TGM6: variants seen among roughly 807,000 people sequenced by gnomAD.
TGM6 encodes the protein transglutaminase 6.
In TGM6, 74 loss-of-function variants were observed where a neutral mutation model predicts 77.5. That is an observed-to-expected ratio of 0.96 (90% CI 0.79 to 1.16). The LOEUF is 1.16. Ranked by LOEUF, TGM6 falls within the 50% of genes most tolerant of loss-of-function variation. TGM6 has a pLI of 0.00. For missense variants in TGM6, 968 were observed against 940.2 expected, an observed-to-expected ratio of 1.03 and a Z score of -0.39; for synonymous variants, 383 against 378.9, an observed-to-expected ratio of 1.01 and a Z score of -0.12.
chr20:2,381,801 C>T (rs2084556642), intron 1 of TGM6, among the ~76,000 whole-genome samples: 1 of 152,236 alleles, frequency 6.6e-6, no homozygotes, highest in African/African-American at 2.4e-5. Context: ...ACCCAAAGTC[C>T]CAGCTACTTG....
At chr20:2,397,067 A>G (rs1226334049) in intron 4 of TGM6, among the ~76,000 whole-genome samples, 1 of 152,170 alleles carries the variant, frequency 6.6e-6, no homozygotes, top group Non-Finnish European at 1.5e-5. Context: ...TGGCTTAGAT[A>G]AGTAGTTCCA....
intron 7 of TGM6, among the ~76,000 whole-genome samples, chr20:2,401,390 G>C (rs555760243): frequency 6.6e-6 from 1 of 152,286 alleles, no homozygotes; most frequent in African/African-American, 2.4e-5. Flanking sequence ...TCCTGTCAGA[G>C]AGATGCTCTG....
In TGM6 at chr20:2,399,725, A is replaced by G; in HGVS notation, c.837A>G (p.Gly279=). 6.2e-7 allele frequency: 1 copy of G among 1,613,650 alleles called. No individual in the cohort carries two copies. The highest frequency in any genetic ancestry group is 8.5e-7 in the Non-Finnish European group (1 of 1,179,804). ...VKYGQCWVFA[G]VLCTVLRCLG... ...ACGGCCAGTGCTGGGTCTTCGCCGG[A>G]GTCCTGTGCACAGGTACCCTGGGAG... The change falls in exon 6 of 13, where the codon GGA becomes GGG. Residue 279 remains glycine, a synonymous_variant. Coordinates refer to ENST00000202625, the MANE Select transcript of TGM6 (RefSeq NM_198994.3).
chr20:2,421,831 T>C (rs2084858207), intron 10 of TGM6, among the ~76,000 whole-genome samples: 5 of 152,124 alleles, frequency 3.3e-5, no homozygotes, highest in Admixed American at 2.6e-4. Context: ...CCTTTGGTAT[T>C]GTATCAAAAA....
chr20:2,414,437 A>G (rs1293112502), intron 9 of TGM6, among the ~76,000 whole-genome samples: 1 of 152,242 alleles, frequency 6.6e-6, no homozygotes, highest in Admixed American at 6.5e-5. Context: ...ATGTGGAGAA[A>G]TTGAAACACT....
chr20:2,421,041 C>A (rs532389423), intron 10 of TGM6, among the ~76,000 whole-genome samples: 30 of 151,942 alleles, frequency 2.0e-4, no homozygotes, highest in Non-Finnish European at 3.5e-4. Context: ...GGCTAGAGTG[C>A]AGTGGTGCGA....
chr20:2,381,254 A>C (rs1391521381), intron 1 of TGM6, among the ~76,000 whole-genome samples: 1 of 152,150 alleles, frequency 6.6e-6, no homozygotes, highest in Non-Finnish European at 1.5e-5. Flanking sequence ...TGAAGGAGGC[A>C]GGCACAGGAA....
chr20:2,406,831 CAAAAAAAAAAAAAAAAAA>C (rs3050731), intron 9 of TGM6, among the ~76,000 whole-genome samples: 20 of 63,710 alleles, frequency 3.1e-4, no homozygotes, highest in South Asian at 2.7e-3. Context: ...CGAAACTCCT[CAAAAAAAAAAAAAAAAAA>C]AAAAAAAAAA....
At chr20:2,428,348 C>T (rs1325077422) in intron 10 of TGM6, among the ~76,000 whole-genome samples, 2 of 152,034 alleles carry the variant, frequency 1.3e-5, no homozygotes, top group Non-Finnish European at 2.9e-5. Flanking sequence ...TTCAAAAAGC[C>T]CTGATGCAAA....
chr20:2,417,578 G>C lies in TGM6; in HGVS notation c.1678+5G>C. ...TGAGGCTGGGGCCGCAAGAAGGTAAGTGTACGCTGGCTTGGTGGAATCAGG... is the reference window on the plus strand; with the variant it reads ...TGAGGCTGGGGCCGCAAGAAGGTAACTGTACGCTGGCTTGGTGGAATCAGG... On this transcript the variant is annotated splice_donor_5th_base_variant and intron_variant, in intron 10 of 12. Transcript: ENST00000202625. 1.3e-6 allele frequency: 2 copies of C among 1,596,724 alleles called. No homozygotes were observed. The highest frequency in any genetic ancestry group is 1.7e-6 in the Non-Finnish European group (2 of 1,178,262).
At chr20:2,394,110 CA>C (rs2084645699) in intron 1 of TGM6, among the ~76,000 whole-genome samples, 1 of 152,020 alleles carries the variant, frequency 6.6e-6, no homozygotes, top group Non-Finnish European at 1.5e-5. Context: ...ACCAACATGG[CA>C]AAACCCCATC....
chr20:2,424,158 C>T (rs1401280256), intron 10 of TGM6, among the ~76,000 whole-genome samples: 1 of 152,242 alleles, frequency 6.6e-6, no homozygotes, highest in African/African-American at 2.4e-5. Flanking sequence ...TCACCAGCTG[C>T]ATTAGCTCCT....
At chr20:2,416,150 G>T (rs2084815285) in intron 9 of TGM6, among the ~76,000 whole-genome samples, 1 of 152,130 alleles carries the variant, frequency 6.6e-6, no homozygotes, top group Non-Finnish European at 1.5e-5. Context: ...AACAGCAAAG[G>T]TGCTGCTCCT....
intron 1 of TGM6, among the ~76,000 whole-genome samples, chr20:2,383,412 G>A (rs1314474874): frequency 1.3e-5 from 2 of 152,198 alleles, no homozygotes; most frequent in Non-Finnish European, 2.9e-5. Flanking sequence ...GCAATGTTCT[G>A]CACATGGACC....
intron 9 of TGM6, among the ~76,000 whole-genome samples, chr20:2,405,935 G>A (rs1203627380): frequency 1.3e-5 from 2 of 152,184 alleles, no homozygotes; most frequent in East Asian, 1.9e-4. Flanking sequence ...AAGTAAGACG[G>A]GATAAACAGA....
intron 1 of TGM6, among the ~76,000 whole-genome samples, chr20:2,391,489 C>A (rs530145245): frequency 6.7e-6 from 1 of 149,126 alleles, no homozygotes; most frequent in African/African-American, 2.5e-5. Context: ...CAAAGAGTAA[C>A]TGAGCTGTGA....
chr20:2,418,601 T>G (rs1175440099), intron 10 of TGM6, among the ~76,000 whole-genome samples: 1 of 152,196 alleles, frequency 6.6e-6, no homozygotes, highest in East Asian at 1.9e-4. Context: ...ACTCAGCTGA[T>G]GCAATTGCTT....
chr20:2,417,442 G>A lies in TGM6; in HGVS notation c.1547G>A (p.Cys516Tyr). The change falls in exon 10 of 13, where the codon TGC (cysteine) becomes TAC (tyrosine). Residue 516 changes from cysteine (C) to tyrosine (Y), a missense_variant. Cys to Tyr is a radical substitution (Grantham distance 194). Transcript: ENST00000202625. ...GGCCACGACCTGAGACTGGCCCTGT[G>A]CTTGGCCAACCTCACCTCCCGGGCC... ...MLGHDLRLAL[C>Y]LANLTSRAQR... 2 of 1,612,290 alleles carry A rather than the reference G, an allele frequency of 1.2e-6. No individual in the cohort carries two copies. The highest frequency in any genetic ancestry group is 2.2e-5 in the South Asian group (2 of 91,062).
intron 9 of TGM6, among the ~76,000 whole-genome samples, chr20:2,414,569 A>C (rs919311213): frequency 1.3e-5 from 2 of 152,226 alleles, no homozygotes; most frequent in Non-Finnish European, 2.9e-5. Context: ...CTACATTTCC[A>C]AGAGAAATGA....
Sources: gnomAD v4.1 joint callset for allele counts (sites outside exome capture counted in the v4.1 genomes callset) on GRCh38, gnomAD v4.1.1 for gene constraint, MANE v1.5 for transcripts, NCBI Gene and HGNC (gene_info 2026-07-23, HGNC 2026-07-21) for gene names.